The following PRSS55 variants were observed in gnomAD, a reference collection of about 807,000 sequenced individuals.
PRSS55 encodes probable serine protease UNQ9391/PRO34284.
In PRSS55, 41 loss-of-function variants were observed where a neutral mutation model predicts 23.6. The observed-to-expected ratio is 1.74, with a 90% CI of 1.35 to 2.26. The LOEUF is 2.26. PRSS55 is among the 30% of genes most tolerant of loss of function. PRSS55 has a pLI of 0.00. For missense variants in PRSS55, 669 were observed against 439.1 expected, an observed-to-expected ratio of 1.52 and a Z score of -4.68; for synonymous variants, 262 against 175.5, an observed-to-expected ratio of 1.49 and a Z score of -3.90.
rs1769100523 is a variant in PRSS55 at position 10,531,294 on chromosome 8, G to C, written c.348-1G>C. ...GCCCCTCTCTGGTTCTCTGCCACCA[G>C]TCCAGAAGAACTGAGTGTCGTGCTG... On this transcript the variant is annotated splice_acceptor_variant, in intron 2 of 4. Transcript: ENST00000328655. LOFTEE classifies it high-confidence loss of function. 1 of 1,613,828 alleles carries C rather than the reference G, an allele frequency of 6.2e-7. No individual in the cohort carries two copies. The highest frequency in any genetic ancestry group is 1.7e-5 in the Admixed American group (1 of 60,024).
intron 4 of PRSS55, among the ~76,000 whole-genome samples, chr8:10,544,782 T>A (rs1812771988): frequency 6.6e-6 from 1 of 152,226 alleles, no homozygotes; most frequent in Non-Finnish European, 1.5e-5. Flanking sequence ...AAAACTTTCT[T>A]CCTACGTAGT....
intron 4 of PRSS55, among the ~76,000 whole-genome samples, chr8:10,552,196 A>C (rs186718190): frequency 7.2e-5 from 11 of 152,362 alleles, no homozygotes; most frequent in African/African-American, 2.6e-4. Flanking sequence ...GACTGAAAGC[A>C]GAGAGCCCGT....
chr8:10,545,627 C>T (rs1160745113), intron 4 of PRSS55, among the ~76,000 whole-genome samples: 4 of 152,118 alleles, frequency 2.6e-5, no homozygotes, highest in Non-Finnish European at 5.9e-5. Context: ...GGCTACCAAG[C>T]CCAGGCTTTC....
At chr8:10,541,355 G>T (rs1472524498), downstream of PRSS55, 1 of 152,230 alleles carries the variant, frequency 6.6e-6, no homozygotes, top group African/African-American at 2.4e-5. Flanking sequence ...TCCGTTGAAG[G>T]CCTGAGTAGG....
rs1487161743 is a variant in PRSS55 at position 10,532,929 on chromosome 8, G to A, written c.622G>A (p.Asp208Asn). ...NAADKNSVKT[D>N]LMKAPMVIMD... ...AGCTGACAAAAACTCTGTGAAAACGGATCTGATGAAAGCGCCAATGGTCAT... is the reference window on the plus strand; with the variant it reads ...AGCTGACAAAAACTCTGTGAAAACGAATCTGATGAAAGCGCCAATGGTCAT... Residue 208 changes from aspartate to asparagine, a missense_variant, in exon 4 of 5, where the codon GAT (aspartate) becomes AAT (asparagine). By Grantham distance (23) the Asp-to-Asn change is conservative. Transcript: ENST00000328655. 6.8e-6 allele frequency: 11 copies of A among 1,614,188 alleles called. No homozygotes were observed. Among genetic ancestry groups the A allele is most frequent in the Admixed American group, 1.7e-5 (1 of 60,024 alleles).
At chr8:10,544,936 T>C in intron 4 of PRSS55, 1 of 758,316 alleles carries the variant, frequency 1.3e-6, no homozygotes, top group Non-Finnish European at 1.6e-6. Flanking sequence ...GGAGATAAAG[T>C]ATGTATTTAT....
rs191009855 is a variant in PRSS55 at position 10,528,034 on chromosome 8, G to C, written c.155-1473G>C. Among the ~76,000 whole-genome samples the C allele has an allele frequency of 2.6e-5, 4 of 152,208 alleles. No homozygotes were observed. The East Asian group carries it at 5.8e-4, about 22-fold the overall frequency. Reference sequence around the variant, plus strand: ...TCTAGACCAGCCTGACCAACATACAGTGAAACCCTGTCTCTACTAAAAAAT... The same window carrying C: ...TCTAGACCAGCCTGACCAACATACACTGAAACCCTGTCTCTACTAAAAAAT... On this transcript the variant is annotated intron_variant, in intron 1 of 4. Transcript: ENST00000328655.
intron 4 of PRSS55, among the ~76,000 whole-genome samples, chr8:10,546,505 C>T (rs1027430527): frequency 6.6e-6 from 1 of 152,174 alleles, no homozygotes; most frequent in East Asian, 1.9e-4. Context: ...AGGCATCCAG[C>T]ATCCGAAAAC....
At chr8:10,536,403 C>T (rs538543066) in intron 4 of PRSS55, among the ~76,000 whole-genome samples, 1 of 152,288 alleles carries the variant, frequency 6.6e-6, no homozygotes, top group South Asian at 2.1e-4. Context: ...AATGCTTCTA[C>T]ACTTCTGGTG....
chr8:10,543,423 T>TCTTCCTTCCTTC (rs71203335), downstream of PRSS55, among the ~76,000 whole-genome samples: 5,153 of 71,470 alleles, frequency 0.072, 268 homozygotes, highest in Middle Eastern at 0.12. Flanking sequence ...CTTCTTTCTT[T>TCTTCCTTCCTTC]CTTCCTTCCT....
exon 5 of PRSS55, chr8:10,554,004 G>A (rs186044982): frequency 1.3e-6 from 2 of 1,524,380 alleles, no homozygotes; most frequent in Non-Finnish European, 1.8e-6. Context: ...AAGCCGCCTG[G>A]GTCTCACACC....
intron 4 of PRSS55, among the ~76,000 whole-genome samples, chr8:10,548,026 G>A (rs1230007272): frequency 6.6e-6 from 1 of 152,150 alleles, no homozygotes; most frequent in African/African-American, 2.4e-5. Context: ...GCCCGGATGA[G>A]AGCAGAGACC....
At chr8:10,529,875 G>T (rs1481084676) in intron 2 of PRSS55, among the ~76,000 whole-genome samples, 176 bp downstream of exon 2, 1 of 152,320 alleles carries the variant, frequency 6.6e-6, no homozygotes, top group East Asian at 1.9e-4. Flanking sequence ...GAGGTAGCCA[G>T]CCTGAGGCTG....
chr8:10,538,425 A>T (rs768540446), intron 4 of PRSS55, 51 bp from the exon 5 acceptor site: 1 of 1,397,714 alleles, frequency 7.2e-7, no homozygotes, highest in Non-Finnish European at 9.9e-7. Flanking sequence ...CCAGCCTCAG[A>T]TGGGCAGCTT....
At chr8:10,537,131 C>T (rs557926453) in intron 4 of PRSS55, among the ~76,000 whole-genome samples, 1 of 152,268 alleles carries the variant, frequency 6.6e-6, no homozygotes, top group South Asian at 2.1e-4. Flanking sequence ...TCTGGGTATA[C>T]GTCCAAAAGA....
downstream of PRSS55, among the ~76,000 whole-genome samples, chr8:10,543,232 C>A (rs1421903163): frequency 6.6e-6 from 1 of 152,030 alleles, no homozygotes; most frequent in Non-Finnish European, 1.5e-5. Flanking sequence ...AGATTAGCAG[C>A]TCTCTGTCTG....
chr8:10,541,603 T>C (rs1198573233), downstream of PRSS55: 1 of 152,150 alleles, frequency 6.6e-6, no homozygotes, highest in East Asian at 1.9e-4. Context: ...TACCTATATC[T>C]ATATTTATAT....
At chr8:10,538,310 C>T (rs1291734275) in intron 4 of PRSS55, among the ~76,000 whole-genome samples, 166 bp from the exon 5 acceptor site, 1 of 152,214 alleles carries the variant, frequency 6.6e-6, no homozygotes, top group Non-Finnish European at 1.5e-5. Context: ...CCTACAACCT[C>T]CAGAGCCAAC....
chr8:10,541,321 C>T (rs1181259980), downstream of PRSS55: 4 of 152,192 alleles, frequency 2.6e-5, no homozygotes, highest in African/African-American at 9.7e-5. Flanking sequence ...GATTGCCCTC[C>T]ATAATGGGGT....
Sources: gnomAD v4.1 joint callset for allele counts (sites outside exome capture counted in the v4.1 genomes callset) on GRCh38, gnomAD v4.1.1 for gene constraint, MANE v1.5 for transcripts, NCBI Gene and HGNC (gene_info 2026-07-23, HGNC 2026-07-21) for gene names.